The following C9orf72 variants were observed in gnomAD, a reference collection of about 807,000 sequenced individuals.
The protein encoded by C9orf72 is guanine nucleotide exchange factor C9orf72.
Under a neutral mutation model 51.6 loss-of-function variants are expected in C9orf72, and 44 were observed. The ratio of observed to expected loss-of-function variants is 0.85; its 90% CI spans 0.67 to 1.10. The LOEUF is 1.10. Ranked by LOEUF, C9orf72 falls within the 50% of genes least tolerant of loss-of-function variation. The pLI is 0.00. For missense variants in C9orf72, 607 were observed against 570.6 expected (o/e 1.06, Z -0.65); for synonymous variants, 213 against 194.2 (o/e 1.10, Z -0.81).
intron 4 of C9orf72, 83 bp from the exon 5 acceptor site, chr9:27,561,732 A>G (rs1277863536): frequency 1.2e-6 from 1 of 856,456 alleles, no homozygotes; most frequent in Non-Finnish European, 1.8e-6. Flanking sequence ...AGTTTTCGGA[A>G]GTCTGGATTC....
At chr9:27,566,601 A>G (rs1402671692) in intron 2 of C9orf72, 76 bp downstream of exon 2, 2 of 1,036,128 alleles carry the variant, frequency 1.9e-6, no homozygotes, top group East Asian at 2.5e-5. Context: ...AATTAAAAAA[A>G]TAAGATTTAT....
At chr9:27,566,396 G>C (rs1161705420) in intron 2 of C9orf72, among the ~76,000 whole-genome samples, 1 of 152,116 alleles carries the variant, frequency 6.6e-6, no homozygotes, top group Admixed American at 6.5e-5. Flanking sequence ...TAGAGTCAAA[G>C]GCTCCCAAGA....
At chr9:27,561,927 AAAC>A (rs764081679) in intron 4 of C9orf72, among the ~76,000 whole-genome samples, 1 of 152,220 alleles carries the variant, frequency 6.6e-6, no homozygotes, top group African/African-American at 2.4e-5. Context: ...CAAAATCAGA[AAAC>A]AACAAGAATA....
chr9:27,551,432 T>C (rs1410260698), intron 8 of C9orf72, among the ~76,000 whole-genome samples: 1 of 152,232 alleles, frequency 6.6e-6, no homozygotes, highest in Non-Finnish European at 1.5e-5. Context: ...TTCATCTTTT[T>C]CTCTTCCATT....
chr9:27,567,167 A>C lies in C9orf72; in HGVS notation c.-44-3T>G. 1 of 1,475,284 alleles carries C rather than the reference A, an allele frequency of 6.8e-7. No individual in the cohort carries two copies. The allele number at this position is 1,475,284 out of a possible 1,614,324, so 91.4% of individuals were successfully genotyped here. The stretch of plus-strand genomic sequence containing the variant: ...TTATCCAAATGCTCCGGAGATATCT[A>C]AACAATGACATATGAAACCAATGAT... On this transcript the variant is annotated splice_polypyrimidine_tract_variant and splice_region_variant and intron_variant, in intron 1 of 10. Transcript: ENST00000380003.
chr9:27,559,285 A>AAAC (rs1819282941), intron 6 of C9orf72: 1 of 150,990 alleles, frequency 6.6e-6, no homozygotes, highest in African/African-American at 2.4e-5. Context: ...AAAAAAAAAA[A>AAAC]CACTCCAACT....
intron 2 of C9orf72, among the ~76,000 whole-genome samples, chr9:27,565,830 A>G (rs1406256749): frequency 6.6e-6 from 1 of 152,192 alleles, no homozygotes; most frequent in Non-Finnish European, 1.5e-5. Context: ...TTCACAGAAA[A>G]CAGTCAATGT....
At chr9:27,568,136 A>G (rs1386011009) in intron 1 of C9orf72, among the ~76,000 whole-genome samples, 2 of 150,168 alleles carry the variant, frequency 1.3e-5, no homozygotes, top group East Asian at 3.9e-4. Flanking sequence ...GTCTGGAGCC[A>G]TAACAAAAAA....
chr9:27,555,536 T>C (rs1484773371), intron 8 of C9orf72, among the ~76,000 whole-genome samples: 3 of 151,076 alleles, frequency 2.0e-5, no homozygotes, highest in Non-Finnish European at 4.4e-5. Flanking sequence ...TTACCTTCTA[T>C]GTGCCAGGCA....
chr9:27,561,226 T>A (rs1396629552), intron 5 of C9orf72: 2 of 1,046,600 alleles, frequency 1.9e-6, no homozygotes, highest in African/African-American at 3.5e-5. Context: ...AGTATAAATA[T>A]GAATAATTTT....
In C9orf72 at chr9:27,573,412, A is replaced by C. The variant is rs1420913173; in HGVS notation, c.-45+19T>G. On this transcript the variant is annotated intron_variant, in intron 1 of 10. Coordinates refer to ENST00000380003, the MANE Select transcript of C9orf72 (RefSeq NM_018325.5). ...GAACCCCAAACAGCCACCCGCCAGG[A>C]TGCCGCCTCCTCACTCACCCACTCG... 2.0e-5 allele frequency: 3 copies of C among 151,846 alleles called. No homozygotes were observed. In the East Asian group the frequency reaches 5.8e-4, roughly 29 times the overall value. 9.4% of individuals were successfully genotyped at this position (151,846 alleles called of 1,614,324 possible).
At chr9:27,551,880 A>T (rs1820915936) in intron 8 of C9orf72, among the ~76,000 whole-genome samples, 1 of 152,212 alleles carries the variant, frequency 6.6e-6, no homozygotes, top group South Asian at 2.1e-4. Context: ...TAATTCTCAT[A>T]GAGATCTTTC....
rs1271378910 is a variant in C9orf72, at chr9:27,548,564, C to T, written c.1252G>A (p.Asp418Asn). 9.7e-6 allele frequency: 15 copies of T among 1,553,660 alleles called. No homozygotes were observed. The highest frequency in any genetic ancestry group is 1.3e-5 in the Non-Finnish European group (15 of 1,126,044). Reference protein sequence around the residue: ...KALTLIKYIEDDTQKGKKPFK... With the variant: ...KALTLIKYIENDTQKGKKPFK... ...TGTAGGAGTTTTACTCACGTATCGTCTTCTATATATTTTATTAGTGTCAAG... is the reference window on the plus strand; with the variant it reads ...TGTAGGAGTTTTACTCACGTATCGTTTTCTATATATTTTATTAGTGTCAAG... The change falls in exon 10 of 11, where the codon GAC becomes AAC. Residue 418 changes from aspartate to asparagine, a missense_variant. Physicochemically the swap from Asp to Asn is conservative, Grantham distance 23. Transcript: ENST00000380003.
chr9:27,561,176 C>T (rs2131539694), intron 5 of C9orf72: 4 of 904,042 alleles, frequency 4.4e-6, no homozygotes, highest in Non-Finnish European at 5.3e-6. Flanking sequence ...AGGGCACAAA[C>T]TCTTAAGTAC....
chr9:27,568,395 G>C (rs1377068974), intron 1 of C9orf72, among the ~76,000 whole-genome samples: 9 of 152,134 alleles, frequency 5.9e-5, no homozygotes, highest in Admixed American at 5.9e-4. Context: ...TCAAGCCTTT[G>C]AATTTAATGA....
At chr9:27,556,483 TTC>T in intron 8 of C9orf72, 76 bp downstream of exon 8, 1 of 923,256 alleles carries the variant, frequency 1.1e-6, no homozygotes. Context: ...TAAATGCAAC[TTC>T]TGTTTTGTTT....
chr9:27,557,532 T>C (rs76925759), intron 7 of C9orf72, among the ~76,000 whole-genome samples: 3,032 of 152,230 alleles, frequency 0.02, 35 homozygotes, highest in Non-Finnish European at 0.029. Context: ...ATTTTTTCAT[T>C]AGATCATAGT....
intron 8 of C9orf72, among the ~76,000 whole-genome samples, chr9:27,556,023 C>T (rs12348486): frequency 0.025 from 3,560 of 143,626 alleles, 140 homozygotes; most frequent in African/African-American, 0.086. Context: ...CATTACTTTT[C>T]CTTTTGAATT....
rs11292923 is a variant in C9orf72, at chr9:27,548,435, G to GAAAAAAAA, written c.1260-21_1260-14dup. On this transcript the variant is annotated splice_polypyrimidine_tract_variant and intron_variant, in intron 10 of 10. Coordinates refer to ENST00000380003, the MANE Select transcript of C9orf72 (RefSeq NM_018325.5). ...TTTTCCCTTCTGCCTAAAAATAATG[G>GAAAAAAAA]AAAAAAAAAAAAAAAAAAAAAAAAA... 1,060 of 174,848 alleles carry GAAAAAAAA rather than the reference G, an allele frequency of 6.1e-3. 9 individuals are homozygous for GAAAAAAAA. The highest frequency in any genetic ancestry group is 0.017 in the South Asian group (151 of 8,656). 10.8% of individuals were successfully genotyped at this position (174,848 alleles called of 1,614,324 possible). A position where few individuals can be genotyped will look rare whatever the true frequency, so the allele number is the denominator to read the frequency against.
Sources: gnomAD v4.1 joint callset for allele counts (sites outside exome capture counted in the v4.1 genomes callset) on GRCh38, gnomAD v4.1.1 for gene constraint, MANE v1.5 for transcripts, NCBI Gene and HGNC (gene_info 2026-07-23, HGNC 2026-07-21) for gene names.